The following DESI2 variants were observed in gnomAD, a reference collection of about 807,000 sequenced individuals.
DESI2 encodes the protein deubiquitinase DESI2.
Under a neutral mutation model 24.1 loss-of-function variants are expected in DESI2, and 10 were observed. That is an observed-to-expected ratio of 0.41 (90% confidence interval 0.26 to 0.70). The LOEUF is 0.70. DESI2 is among the 30% of genes least tolerant of loss of function. The pLI, the probability that DESI2 is intolerant of heterozygous loss-of-function variation, is 0.29. For synonymous variants in DESI2, 71 were observed against 87.7 expected, an observed-to-expected ratio of 0.81 and a Z score of 1.06; for missense variants, 122 against 234.9, an observed-to-expected ratio of 0.52 and a Z score of 3.14.
At chr1:244,668,485 G>A (rs1343815182) in intron 1 of DESI2, among the ~76,000 whole-genome samples, 1 of 152,152 alleles carries the variant, frequency 6.6e-6, no homozygotes, top group Non-Finnish European at 1.5e-5. Context: ...TGAGAAATAA[G>A]TCAAACACTT....
chr1:244,654,005 A>T, intron 1 of DESI2: 1 of 471,186 alleles, frequency 2.1e-6, no homozygotes, highest in Non-Finnish European at 4.4e-6. Context: ...CCTTTCCTAC[A>T]CTCTGAAGAC....
At chr1:244,690,050 T>C (rs1676966412) in intron 3 of DESI2, among the ~76,000 whole-genome samples, 1 of 152,194 alleles carries the variant, frequency 6.6e-6, no homozygotes, top group Non-Finnish European at 1.5e-5. Flanking sequence ...GTCTTACGAG[T>C]AATAAAAAGC....
At chr1:244,656,218 C>T (rs1675641808) in intron 1 of DESI2, 2 of 152,118 alleles carry the variant, frequency 1.3e-5, no homozygotes, top group South Asian at 2.1e-4. Context: ...GTTATAGGGA[C>T]CTCTTGCCAT....
At chr1:244,687,311 C>T (rs1302188365) in intron 2 of DESI2, among the ~76,000 whole-genome samples, 1 of 152,110 alleles carries the variant, frequency 6.6e-6, no homozygotes. Flanking sequence ...GCTGTGTTTT[C>T]AACAGTTTTT....
chr1:244,703,000 CTT>C lies in DESI2; in HGVS notation c.352-2541_352-2540del, dbSNP rs72210181. Among the ~76,000 whole-genome samples the C allele has an allele frequency of 3.4e-3, 452 of 131,552 alleles. 3 individuals are homozygous for C. Among genetic ancestry groups the C allele is most frequent in the African/African-American group, 9.1e-3 (319 of 34,988 alleles). The allele number at this position is 131,552 out of a possible 152,430, so 86.3% of individuals were successfully genotyped here. A position where few individuals can be genotyped will look rare whatever the true frequency, so the allele number is the denominator to read the frequency against. On this transcript the variant is annotated intron_variant, in intron 4 of 4. Transcript: ENST00000302550. ...ACAATGTAATATTTGTTTGCCAGCG[CTT>C]TTTTTTTTTTTTTTGGTGAGACGAA... is the stretch of plus-strand genomic sequence containing the variant.
intron 1 of DESI2, among the ~76,000 whole-genome samples, chr1:244,674,836 T>C (rs2148794468): frequency 6.6e-6 from 1 of 152,378 alleles, no homozygotes; most frequent in East Asian, 1.9e-4. Context: ...TACAAGTTTT[T>C]ATGTGGCTAT....
intron 4 of DESI2, among the ~76,000 whole-genome samples, chr1:244,698,213 C>T (rs1677296530): frequency 6.6e-6 from 1 of 152,162 alleles, no homozygotes; most frequent in African/African-American, 2.4e-5. Flanking sequence ...GTTAGTGGGA[C>T]GCAGCTTCCT....
chr1:244,686,786 G>GT (rs1378611743), intron 2 of DESI2, 117 bp downstream of exon 2: 1 of 608,486 alleles, frequency 1.6e-6, no homozygotes, highest in Non-Finnish European at 2.8e-6. Flanking sequence ...ATTACAGAAA[G>GT]TAGAAGAAAA....
intron 1 of DESI2, among the ~76,000 whole-genome samples, chr1:244,662,604 A>G (rs1483478189): frequency 1.3e-5 from 2 of 152,234 alleles, no homozygotes; most frequent in East Asian, 1.9e-4. Flanking sequence ...ATTAAACAGA[A>G]TAAAGCTAAT....
rs183208196 is a variant in DESI2 at position 244,684,049 on chromosome 1, T to C, written c.43-2548T>C. The stretch of plus-strand genomic sequence containing the variant: ...TAAAGAGTATTCCATTATATAGATA[T>C]ATCATAGTTTATGTAACTAGGACCC... On this transcript the variant is annotated intron_variant, in intron 1 of 4. Coordinates refer to ENST00000302550, the MANE Select transcript of DESI2 (RefSeq NM_016076.5). Among the ~76,000 whole-genome samples, 10 of 152,200 alleles carry C rather than the reference T, an allele frequency of 6.6e-5. No individual in the cohort carries two copies. The East Asian group carries it at 1.7e-3, about 26-fold the overall frequency.
intron 4 of DESI2, chr1:244,694,349 A>G (rs567713893): frequency 1.1e-4 from 64 of 564,606 alleles, no homozygotes; most frequent in South Asian, 9.4e-4. Context: ...TGTATAAATT[A>G]TGTAAAGTTC....
At chr1:244,686,769 A>G in intron 2 of DESI2, 100 bp downstream of exon 2, 3 of 691,280 alleles carry the variant, frequency 4.3e-6, no homozygotes, top group Middle Eastern at 3.2e-4. Context: ...AACCACTTGC[A>G]TATGTTATTA....
intron 1 of DESI2, among the ~76,000 whole-genome samples, chr1:244,679,715 A>G (rs543406883): frequency 2.0e-5 from 3 of 152,228 alleles, no homozygotes; most frequent in South Asian, 2.1e-4. Flanking sequence ...TACTAAAAAT[A>G]CAAAAATTAT....
chr1:244,656,630 T>G (rs1675656253), intron 1 of DESI2: 2 of 152,206 alleles, frequency 1.3e-5, no homozygotes. Context: ...AAATCTCTGG[T>G]GTAGTCATTT....
At chr1:244,701,904 C>G (rs1677479805) in intron 4 of DESI2, among the ~76,000 whole-genome samples, 1 of 152,134 alleles carries the variant, frequency 6.6e-6, no homozygotes, top group Non-Finnish European at 1.5e-5. Context: ...TTTGCTGTTA[C>G]AAAAAGTGTT....
chr1:244,665,050 C>T (rs1675994791), intron 1 of DESI2, among the ~76,000 whole-genome samples: 1 of 149,826 alleles, frequency 6.7e-6, no homozygotes, highest in African/African-American at 2.4e-5. Flanking sequence ...TGAAGACTGT[C>T]TGTGCTATTC....
At chr1:244,664,252 A>G (rs183440314) in intron 1 of DESI2, among the ~76,000 whole-genome samples, 1 of 152,316 alleles carries the variant, frequency 6.6e-6, no homozygotes, top group Non-Finnish European at 1.5e-5. Flanking sequence ...AGAAGAGGTA[A>G]AAGCTTGTAG....
At chr1:244,704,663 CTT>C (rs1553268098) in intron 4 of DESI2, among the ~76,000 whole-genome samples, 31 of 136,974 alleles carry the variant, frequency 2.3e-4, no homozygotes, top group Non-Finnish European at 1.9e-4. Context: ...TGGGAAAACA[CTT>C]TGTGTGTGTG....
At chr1:244,686,418 G>A (rs769080734) in intron 1 of DESI2, among the ~76,000 whole-genome samples, 179 bp from the exon 2 acceptor site, 15 of 152,002 alleles carry the variant, frequency 9.9e-5, no homozygotes, top group Non-Finnish European at 1.3e-4. Context: ...CAATTATTTT[G>A]ACCCAGGAAG....
Sources: allele counts gnomAD v4.1 joint callset (sites outside exome capture counted in the v4.1 genomes callset), GRCh38; gene constraint gnomAD v4.1.1; transcripts MANE v1.5; gene names NCBI Gene and HGNC (gene_info 2026-07-23, HGNC 2026-07-21).